The following SPANXN4 variants were observed in gnomAD, a reference collection of about 807,000 sequenced individuals.
SPANXN4 encodes the protein SPANX family member N4.
In SPANXN4, 5 loss-of-function variants were observed where a neutral mutation model predicts 6.0. That is an observed-to-expected ratio of 0.83 (90% confidence interval 0.44 to 1.75). SPANXN4 has a LOEUF of 1.75. Ranked by LOEUF, SPANXN4 falls within the 40% of genes most tolerant of loss-of-function variation. The pLI is 0.02. For missense variants in SPANXN4, 157 were observed against 108.6 expected, an observed-to-expected ratio of 1.45 and a Z score of -1.98; for synonymous variants, 45 against 38.0, an observed-to-expected ratio of 1.19 and a Z score of -0.68.
intron 1 of SPANXN4, among the ~76,000 whole-genome samples, chrX:143,033,027 C>T (rs1262159074): frequency 1.8e-5 from 2 of 111,538 alleles, no homozygotes; most frequent in Non-Finnish European, 3.8e-5. Flanking sequence ...GGGAGACCTC[C>T]AACTCAGTGC....
chrX:143,031,255 A>G (rs1306371538), intron 1 of SPANXN4, among the ~76,000 whole-genome samples: 9 of 110,997 alleles, frequency 8.1e-5, no homozygotes, highest in Admixed American at 4.8e-4. Flanking sequence ...AGGGGATTTC[A>G]TTGACTTTCA....
In SPANXN4 at chrX:143,034,357, G is replaced by A. The variant is rs1932832082; in HGVS notation, c.283+125G>A. On this transcript the variant is annotated intron_variant, in intron 2 of 2. Coordinates refer to ENST00000370504, the Ensembl canonical transcript of SPANXN4. ...TTTTTTTCTGATGGTGGGGAGGAAG[G>A]GAAGGGAAAAGATAGGCATTTGAGA... 4 of 1,034,696 alleles carry A rather than the reference G, an allele frequency of 3.9e-6. No individual in the cohort carries two copies. In the East Asian group the frequency reaches 1.3e-4, roughly 34 times the overall value. The allele number at this position is 1,034,696 out of a possible 1,213,427, so 85.3% of individuals were successfully genotyped here. A position where few individuals can be genotyped will look rare whatever the true frequency, so the allele number is the denominator to read the frequency against.
At chrX:143,038,215 T>G (rs1025436256), downstream of SPANXN4, among the ~76,000 whole-genome samples, 4 of 111,995 alleles carry the variant, frequency 3.6e-5, no homozygotes, top group Non-Finnish European at 7.5e-5. Context: ...TCATCATTCT[T>G]TTTTAAAGAA....
At chrX:143,031,087 AAGT>A (rs1932807077) in intron 1 of SPANXN4, among the ~76,000 whole-genome samples, 1 of 109,890 alleles carries the variant, frequency 9.1e-6, no homozygotes, top group Admixed American at 9.8e-5. Flanking sequence ...AGTAAAATAA[AAGT>A]AGAATTGTAG....
chrX:143,038,412 G>A (rs1932853661), downstream of SPANXN4, among the ~76,000 whole-genome samples: 1 of 111,628 alleles, frequency 9.0e-6, no homozygotes, highest in Non-Finnish European at 1.9e-5. Context: ...TAGGTCTTTA[G>A]CTGATGGCTA....
At chrX:143,035,890 T>C (rs921088462), downstream of SPANXN4, among the ~76,000 whole-genome samples, 1 of 108,006 alleles carries the variant, frequency 9.3e-6, no homozygotes, top group African/African-American at 3.4e-5. Flanking sequence ...ATCCTACATA[T>C]CTGGTATTTT....
intron 1 of SPANXN4, among the ~76,000 whole-genome samples, chrX:143,028,823 G>A (rs1374544934): frequency 2.7e-5 from 3 of 111,216 alleles, no homozygotes; most frequent in Non-Finnish European, 5.6e-5. Context: ...CTGAGGGGAA[G>A]TTTAAGTGCA....
chrX:143,035,944 A>T (rs140434564), downstream of SPANXN4, among the ~76,000 whole-genome samples: 1,339 of 105,347 alleles, frequency 0.013, 27 homozygotes, highest in African/African-American at 0.043. Flanking sequence ...CCCACCCCCA[A>T]TGTTTCATTC....
intron 1 of SPANXN4, among the ~76,000 whole-genome samples, chrX:143,030,269 G>C (rs1186201913): frequency 9.0e-6 from 1 of 110,819 alleles, no homozygotes; most frequent in Non-Finnish European, 1.9e-5. Flanking sequence ...GGGTTGGGAT[G>C]GCCCAAGAAT....
chrX:143,034,352 G>T, intron 2 of SPANXN4, 41 bp downstream of exon 2: 2 of 1,019,578 alleles, frequency 2.0e-6, no homozygotes, highest in Non-Finnish European at 2.6e-6. Context: ...ATGGTGGGGA[G>T]GAAGGGAAGG....
downstream of SPANXN4, among the ~76,000 whole-genome samples, chrX:143,038,242 C>T (rs1932852868): frequency 8.9e-6 from 1 of 111,856 alleles, no homozygotes; most frequent in Non-Finnish European, 1.9e-5. Context: ...AATCATATAA[C>T]TGTTGGCTTT....
intron 1 of SPANXN4, among the ~76,000 whole-genome samples, chrX:143,027,355 G>T (rs1471444983): frequency 9.0e-6 from 1 of 111,436 alleles, no homozygotes. Context: ...GAAGGATATA[G>T]GTTGCAGTTG....
intron 1 of SPANXN4, among the ~76,000 whole-genome samples, chrX:143,033,737 C>T (rs908624578): frequency 7.1e-5 from 8 of 111,926 alleles, no homozygotes; most frequent in East Asian, 2.8e-4. Context: ...AGTGGTTAGA[C>T]AGGATGTTTC....
intron 1 of SPANXN4, among the ~76,000 whole-genome samples, chrX:143,026,317 T>C (rs767610062): frequency 7.2e-5 from 8 of 111,648 alleles, no homozygotes; most frequent in African/African-American, 2.6e-4. Flanking sequence ...TAAGATGTTG[T>C]TATGATCAGG....
chrX:143,033,945 T>G (rs1932827151), intron 1 of SPANXN4, 80 bp from the exon 2 acceptor site: 3 of 928,650 alleles, frequency 3.2e-6, no homozygotes, highest in Non-Finnish European at 4.4e-6. Context: ...TTCCTTCTTA[T>G]AAAGCCCCCC....
chrX:143,025,937 C>A lies in SPANXN4; in HGVS notation c.-78C>A. On this transcript the variant is annotated 5_prime_UTR_variant, in exon 1 of 3. The change creates a new upstream start codon in the 5' untranslated region. Coordinates refer to ENST00000370504, the Ensembl canonical transcript of SPANXN4. Reference sequence around the variant, plus strand: ...TGGGCAAAAGCTCTGGGACAGCCCACTGGAAAGCTTCAATACAGCTGTGGA... The same window carrying A: ...TGGGCAAAAGCTCTGGGACAGCCCAATGGAAAGCTTCAATACAGCTGTGGA... The A allele has an allele frequency of 1.9e-6, 2 of 1,029,378 alleles. No homozygotes were observed. The highest frequency in any genetic ancestry group is 2.7e-6 in the Non-Finnish European group (2 of 753,013). The allele number at this position is 1,029,378 out of a possible 1,213,427, so 84.8% of individuals were successfully genotyped here.
downstream of SPANXN4, among the ~76,000 whole-genome samples, chrX:143,036,910 G>A (rs750653154): frequency 9.0e-6 from 1 of 111,304 alleles, no homozygotes; most frequent in South Asian, 3.8e-4. Context: ...GTGCTCCAGA[G>A]TTCAGTCCTT....
At chrX:143,035,342 A>G (rs1010317619), downstream of SPANXN4, among the ~76,000 whole-genome samples, 9 of 109,081 alleles carry the variant, frequency 8.3e-5, no homozygotes, top group East Asian at 2.6e-3. Context: ...TGTTTTTTTT[A>G]TTGTTTGTGG....
At chrX:143,035,315 G>A (rs1932838262), downstream of SPANXN4, among the ~76,000 whole-genome samples, 1 of 109,260 alleles carries the variant, frequency 9.2e-6, no homozygotes, top group Non-Finnish European at 1.9e-5. Flanking sequence ...CCTTTTCTTT[G>A]TATGAGTGTC....
Sources: gnomAD v4.1 joint callset for allele counts (sites outside exome capture counted in the v4.1 genomes callset) on GRCh38, gnomAD v4.1.1 for gene constraint, MANE v1.5 for transcripts, NCBI Gene and HGNC (gene_info 2026-07-23, HGNC 2026-07-21) for gene names.